The following GARIN1A variants were observed in gnomAD, a reference collection of about 807,000 sequenced individuals.
The protein encoded by GARIN1A is golgi associated RAB2 interactor 1A.
chr7:128,689,561 C>A, the GARIN1A span, among the ~76,000 whole-genome samples: 65 of 149,480 alleles, frequency 4.3e-4, no homozygotes, highest in Admixed American at 1.5e-3. Context: ...GCCCGGCAGC[C>A]GCCCCGTCTG....
chr7:128,697,948 A>C, the GARIN1A span, among the ~76,000 whole-genome samples: 2 of 152,112 alleles, frequency 1.3e-5, no homozygotes, highest in Non-Finnish European at 2.9e-5. Context: ...CTATTTTTGT[A>C]ACTACTGCAT....
At chr7:128,675,646 T>C in the GARIN1A span, 1 of 1,611,430 alleles carries the variant, frequency 6.2e-7, no homozygotes, top group Non-Finnish European at 8.5e-7. Flanking sequence ...TGCTCCTTTC[T>C]GACCCATGTA....
chr7:128,689,846 C>T, the GARIN1A span, among the ~76,000 whole-genome samples: 12,263 of 143,578 alleles, frequency 0.085, 826 homozygotes, highest in East Asian at 0.13. Flanking sequence ...CACCTCTGCC[C>T]GGCCGCCCCT....
the GARIN1A span, among the ~76,000 whole-genome samples, chr7:128,703,512 A>G: frequency 1.3e-5 from 2 of 152,218 alleles, no homozygotes; most frequent in East Asian, 3.8e-4. Flanking sequence ...TGTACAGGGC[A>G]GGGCACAGTG....
the GARIN1A span, among the ~76,000 whole-genome samples, chr7:128,699,595 A>T: frequency 6.6e-6 from 1 of 152,246 alleles, no homozygotes; most frequent in African/African-American, 2.4e-5. Context: ...TATGCAATTC[A>T]GTGATTAAAA....
the GARIN1A span, chr7:128,682,981 T>G: frequency 6.2e-7 from 1 of 1,603,802 alleles, no homozygotes. Flanking sequence ...GACACTGCCA[T>G]TGAAATAGAC....
chr7:128,701,349 G>A, the GARIN1A span, among the ~76,000 whole-genome samples: 1 of 54,060 alleles, frequency 1.8e-5, no homozygotes, highest in Non-Finnish European at 4.0e-5. Context: ...GGAGGGGGAG[G>A]GGAGGGGAAG....
the GARIN1A span, chr7:128,684,393 A>G: frequency 6.6e-6 from 1 of 152,250 alleles, no homozygotes. Flanking sequence ...AGGTGTGCAG[A>G]TCACTTGAGG....
At chr7:128,683,878 G>T in the GARIN1A span, 1 of 156,012 alleles carries the variant, frequency 6.4e-6, no homozygotes, top group South Asian at 1.8e-4. Context: ...CAAGGCAGAA[G>T]GCAAAAGAGA....
At chr7:128,708,482 A>G in the GARIN1A span, among the ~76,000 whole-genome samples, 1 of 152,076 alleles carries the variant, frequency 6.6e-6, no homozygotes, top group Non-Finnish European at 1.5e-5. Context: ...TTCTGTCTCT[A>G]ATGAGACAGT....
At chr7:128,684,384 G>A in the GARIN1A span, 1 of 152,270 alleles carries the variant, frequency 6.6e-6, no homozygotes, top group Non-Finnish European at 1.5e-5. Flanking sequence ...GGGAGGCTAA[G>A]GTGTGCAGAT....
the GARIN1A span, among the ~76,000 whole-genome samples, chr7:128,679,302 C>T: frequency 1.3e-5 from 2 of 151,940 alleles, no homozygotes. Flanking sequence ...AAGCGATTCT[C>T]CTGCCTCAGC....
the GARIN1A span, chr7:128,683,144 C>G: frequency 2.5e-6 from 4 of 1,609,502 alleles, no homozygotes; most frequent in East Asian, 6.7e-5. Context: ...TAGGAGAGCA[C>G]TTCTTGGGAG....
At chr7:128,673,932 G>A in the GARIN1A span, among the ~76,000 whole-genome samples, 2 of 151,840 alleles carry the variant, frequency 1.3e-5, no homozygotes, top group African/African-American at 4.8e-5. Context: ...TTTTGAGATG[G>A]AGTCTCACTC....
chr7:128,679,957 C>T, the GARIN1A span: 60 of 824,820 alleles, frequency 7.3e-5, no homozygotes, highest in South Asian at 1.2e-3. Flanking sequence ...CAAACCCCTT[C>T]AAAGTTCTAC....
chr7:128,705,494 C>G, the GARIN1A span, among the ~76,000 whole-genome samples: 142 of 152,176 alleles, frequency 9.3e-4, 1 homozygote, highest in East Asian at 0.015. Flanking sequence ...ATTATCACTT[C>G]CCCTTCTATA....
the GARIN1A span, among the ~76,000 whole-genome samples, chr7:128,705,417 C>G: frequency 3.8e-4 from 58 of 152,200 alleles, no homozygotes; most frequent in Non-Finnish European, 7.9e-4. Flanking sequence ...GGGATGGAGC[C>G]GTGCCGTTCT....
At chr7:128,698,147 G>A in the GARIN1A span, among the ~76,000 whole-genome samples, 1 of 152,082 alleles carries the variant, frequency 6.6e-6, no homozygotes, top group Non-Finnish European at 1.5e-5. Flanking sequence ...CTGGTGAAAC[G>A]GTGTGACAAA....
At chr7:128,674,810 A>G in the GARIN1A span, among the ~76,000 whole-genome samples, 1 of 152,150 alleles carries the variant, frequency 6.6e-6, no homozygotes, top group Non-Finnish European at 1.5e-5. Flanking sequence ...AGTCTAGAAC[A>G]TTGGCTGGGC....
Sources: allele counts gnomAD v4.1 joint callset (sites outside exome capture counted in the v4.1 genomes callset), GRCh38; gene constraint gnomAD v4.1.1; transcripts MANE v1.5; gene names NCBI Gene and HGNC (gene_info 2026-07-23, HGNC 2026-07-21).